Variants in SERPINB10 observed in about 807,000 individuals in gnomAD.
SERPINB10 encodes serpin family B member 10, also known as serpin B10.
A neutral mutation model predicts 39.1 loss-of-function variants in SERPINB10; 35 were observed. The observed-to-expected ratio is 0.90, with a 90% confidence interval of 0.68 to 1.19. The LOEUF is 1.19. Among genes scored for constraint, SERPINB10 ranks in the 50% most tolerant of loss-of-function variants. SERPINB10 has a pLI of 0.00. For synonymous variants in SERPINB10, 190 were observed against 158.1 expected (o/e 1.20, Z -1.52); for missense variants, 546 against 460.5 (o/e 1.19, Z -1.70).
chr18:63,909,438 G>T (rs1044588560), intron 1 of SERPINB10, among the ~76,000 whole-genome samples: 4 of 151,874 alleles, frequency 2.6e-5, no homozygotes, highest in Non-Finnish European at 5.9e-5. Context: ...TACTTCATTA[G>T]ATTTCTTTAA....
intron 5 of SERPINB10, among the ~76,000 whole-genome samples, chr18:63,929,712 C>CAAAAAAAAAAAAAAAAAAAAA (rs74169990): frequency 1.8e-4 from 18 of 97,330 alleles, no homozygotes; most frequent in Non-Finnish European, 3.2e-4. Context: ...AGCTAAAGTG[C>CAAAAAAAAAAAAAAAAAAAAA]AAAAAAAAAA....
At chr18:63,915,708 T>C (rs1257045948) in intron 2 of SERPINB10, 30 bp downstream of exon 2, 3 of 1,568,292 alleles carry the variant, frequency 1.9e-6, no homozygotes, top group South Asian at 1.2e-5. Flanking sequence ...TATCTTCTGT[T>C]TCTTGTAAGC....
At chr18:63,922,746 T>G (rs997726407) in intron 5 of SERPINB10, among the ~76,000 whole-genome samples, 6 of 151,980 alleles carry the variant, frequency 3.9e-5, no homozygotes, top group Non-Finnish European at 7.4e-5. Context: ...CCAGAAGATC[T>G]TCCTATGATG....
At chr18:63,927,025 T>C (rs565953919) in intron 5 of SERPINB10, among the ~76,000 whole-genome samples, 37 of 152,114 alleles carry the variant, frequency 2.4e-4, no homozygotes, top group Middle Eastern at 3.4e-3. Context: ...TGTTTTTTAG[T>C]TGATTCTCCT....
chr18:63,929,935 A>G, intron 5 of SERPINB10, 110 bp from the exon 6 acceptor site: 1 of 1,111,702 alleles, frequency 9.0e-7, no homozygotes, highest in Non-Finnish European at 1.3e-6. Context: ...AAAAACCAGG[A>G]CTTTTAAAGA....
Position 63,916,542 on chromosome 18 carries a change from A to T in SERPINB10, c.168+864A>T, listed in dbSNP as rs566030813. 2.0e-5 allele frequency among the ~76,000 whole-genome samples: 3 copies of T among 152,186 alleles called. No homozygotes were observed. The South Asian group carries it at 6.2e-4, about 32-fold the overall frequency. On this transcript the variant is annotated intron_variant, in intron 2 of 7. Coordinates refer to ENST00000238508, the MANE Select transcript of SERPINB10 (RefSeq NM_005024.3). ...CTTGGGATAACATCCTTACTCTTGTAGTTCACAAGATATCAGGTGGTTTAA... is the reference window on the plus strand; with the variant it reads ...CTTGGGATAACATCCTTACTCTTGTTGTTCACAAGATATCAGGTGGTTTAA...
intron 1 of SERPINB10, among the ~76,000 whole-genome samples, chr18:63,914,191 C>T (rs7235983): frequency 0.39 from 59,193 of 151,982 alleles, 15,933 homozygotes; most frequent in African/African-American, 0.76. Flanking sequence ...AAAGACAGCA[C>T]ATTAATGGGT....
At chr18:63,917,608 T>C in intron 3 of SERPINB10, 87 bp downstream of exon 3, 1 of 729,810 alleles carries the variant, frequency 1.4e-6, no homozygotes, top group Non-Finnish European at 2.1e-6. Flanking sequence ...AAGCAACTTT[T>C]AGCAGGTAAT....
rs539082464 is a variant in SERPINB10 at position 63,908,137 on chromosome 18, C to CA, written c.-10+103dup. The CA allele has an allele frequency of 1.2e-3, 260 of 215,732 alleles. 1 individual carries two copies. In the Middle Eastern group the frequency reaches 0.014, roughly 12 times the overall value. The allele number at this position is 215,732 out of a possible 1,614,324, so 13.4% of individuals were successfully genotyped here. On this transcript the variant is annotated intron_variant, in intron 1 of 7. Transcript: ENST00000238508. Reference sequence around the variant, plus strand: ...AACAAATAATGAAGACCCCTTCCCCCAAAAAAGTCCAGAAATAATAGATAA... The same window carrying CA: ...AACAAATAATGAAGACCCCTTCCCCCAAAAAAAGTCCAGAAATAATAGATAA...
rs767250518 is a variant in SERPINB10, at chr18:63,934,763, G to A, written c.790-75G>A. The A allele has an allele frequency of 2.1e-6, 3 of 1,443,242 alleles. No homozygotes were observed. The Admixed American group carries it at 6.8e-5, about 33-fold the overall frequency. 89.4% of individuals were successfully genotyped at this position (1,443,242 alleles called of 1,614,324 possible). ...CATAATTCACCTATGTAATTCCTAGGGTGCTCTCTCTACTACTGTTTTTCA... is the reference window on the plus strand; with the variant it reads ...CATAATTCACCTATGTAATTCCTAGAGTGCTCTCTCTACTACTGTTTTTCA... On this transcript the variant is annotated intron_variant, in intron 7 of 7. Coordinates refer to ENST00000238508, the MANE Select transcript of SERPINB10 (RefSeq NM_005024.3).
intron 7 of SERPINB10, 31 bp from the exon 8 acceptor site, chr18:63,934,807 G>A (rs2050249441): frequency 6.4e-7 from 1 of 1,564,582 alleles, no homozygotes; most frequent in African/African-American, 1.4e-5. Flanking sequence ...TGGAATTACT[G>A]ATTCTTTCTT....
Position 63,908,014 on chromosome 18 carries a change from A to G in SERPINB10, c.-36A>G, listed in dbSNP as rs779444605. On this transcript the variant is annotated 5_prime_UTR_variant, in exon 1 of 8. Coordinates refer to ENST00000238508, the MANE Select transcript of SERPINB10 (RefSeq NM_005024.3). ...TCTCTTACTACAGGAGCAAATTGCC[A>G]ATTCTGCTCCAGTGGGAGAAAACAA... 9 of 346,814 alleles carry G rather than the reference A, an allele frequency of 2.6e-5. No homozygotes were observed. Among genetic ancestry groups the G allele is most frequent in the African/African-American group, 9.0e-5 (4 of 44,226 alleles). The allele number at this position is 346,814 out of a possible 1,614,324, so 21.5% of individuals were successfully genotyped here. A position where few individuals can be genotyped will look rare whatever the true frequency, so the allele number is the denominator to read the frequency against.
intron 6 of SERPINB10, among the ~76,000 whole-genome samples, 154 bp from the exon 7 acceptor site, chr18:63,932,894 C>T (rs2050233047): frequency 1.3e-5 from 2 of 152,130 alleles, no homozygotes; most frequent in Non-Finnish European, 2.9e-5. Context: ...CAGATATTTC[C>T]ATAAAGGAAG....
chr18:63,908,484 A>G (rs570560982), intron 1 of SERPINB10, among the ~76,000 whole-genome samples: 17 of 152,022 alleles, frequency 1.1e-4, no homozygotes, highest in Admixed American at 9.8e-4. Context: ...TTTGGATCCT[A>G]TTCATTAATA....
intron 5 of SERPINB10, among the ~76,000 whole-genome samples, chr18:63,929,201 A>AT (rs935979266): frequency 1.3e-5 from 2 of 152,250 alleles, no homozygotes; most frequent in East Asian, 3.9e-4. Context: ...ATATGTATAT[A>AT]TTTTTTCCAT....
chr18:63,915,107 G>T (rs1385414583), intron 1 of SERPINB10, among the ~76,000 whole-genome samples: 6 of 152,050 alleles, frequency 3.9e-5, no homozygotes, highest in African/African-American at 1.4e-4. Context: ...GCTGTTGGGT[G>T]CACGAAGCAG....
chr18:63,915,261 A>G (rs890273468), intron 1 of SERPINB10, among the ~76,000 whole-genome samples: 1 of 152,114 alleles, frequency 6.6e-6, no homozygotes, highest in Non-Finnish European at 1.5e-5. Context: ...TTAACTGACC[A>G]GCATCCATTT....
At position 63,915,589 on chromosome 18, in the gene SERPINB10, A is replaced by G. The variant is rs1385917701; in HGVS notation, c.79A>G (p.Asn27Asp). The part of the protein sequence containing the change: ...KKLAESAQGK[N>D]IFFSSWSIST... ...GCTAGCTGAATCTGCTCAGGGTAAA[A>G]ATATCTTCTTTTCTTCCTGGAGCAT... is the stretch of plus-strand genomic sequence containing the variant. The change falls in exon 2 of 8, where the codon AAT becomes GAT. Residue 27 changes from asparagine to aspartate, a missense_variant. Asn to Asp is a conservative substitution (Grantham distance 23). Transcript: ENST00000238508. The G allele has an allele frequency of 7.4e-6, 12 of 1,612,728 alleles. No homozygotes were observed. Among genetic ancestry groups the G allele is most frequent in the African/African-American group, 1.3e-5 (1 of 74,796 alleles).
chr18:63,922,651 G>T (rs1438013071), intron 5 of SERPINB10, among the ~76,000 whole-genome samples: 2 of 151,944 alleles, frequency 1.3e-5, no homozygotes, highest in Non-Finnish European at 2.9e-5. Flanking sequence ...GGCTCTTAGG[G>T]GTTGGTCCTT....
Sources: allele counts gnomAD v4.1 joint callset (sites outside exome capture counted in the v4.1 genomes callset), GRCh38; gene constraint gnomAD v4.1.1; transcripts MANE v1.5; gene names NCBI Gene and HGNC (gene_info 2026-07-23, HGNC 2026-07-21).